The following PPP1R13L variants were observed in gnomAD, a reference collection of about 807,000 sequenced individuals.
The protein encoded by PPP1R13L is protein phosphatase 1 regulatory subunit 13 like, also known as relA-associated inhibitor.
Under a neutral mutation model 80.9 loss-of-function variants are expected in PPP1R13L, and 50 were observed. That is an observed-to-expected ratio of 0.62 (90% confidence interval 0.49 to 0.78). The LOEUF is 0.78. PPP1R13L is among the 30% of genes least tolerant of loss of function. The pLI is 0.00. For missense variants in PPP1R13L, 1,200 were observed against 1,205.9 expected, an observed-to-expected ratio of 1.00 and a Z score of 0.07; for synonymous variants, 602 against 534.3, an observed-to-expected ratio of 1.13 and a Z score of -1.75.
Position 45,396,479 on chromosome 19 carries a change from G to A in PPP1R13L, c.713-43C>T, listed in dbSNP as rs369341381. ...GGGAGGATGAGACGGGAGGGGTGGC[G>A]AGCCCCGGATCCTGCCCGCTTTGAC... On this transcript the variant is annotated intron_variant, in intron 4 of 12. Transcript: ENST00000360957. The surrounding 1 kb of genome is among the most constrained non-coding windows in gnomAD (Gnocchi z 5.3). 13 of 1,612,102 alleles carry A rather than the reference G, an allele frequency of 8.1e-6. No individual in the cohort carries two copies. The highest frequency in any genetic ancestry group is 6.7e-5 in the East Asian group (3 of 44,864).
At chr19:45,387,575 GAC>G (rs1422071707) in intron 8 of PPP1R13L, among the ~76,000 whole-genome samples, 2 of 152,112 alleles carry the variant, frequency 1.3e-5, no homozygotes, top group Admixed American at 1.3e-4. Flanking sequence ...GTTTTTTTGA[GAC>G]AGAGTCTCGC....
chr19:45,384,658 C>A (rs981059512), intron 11 of PPP1R13L, among the ~76,000 whole-genome samples: 1 of 152,028 alleles, frequency 6.6e-6, no homozygotes, highest in Non-Finnish European at 1.5e-5. Flanking sequence ...TCGGGACCAG[C>A]CTGGGCAACA....
At chr19:45,386,856 G>A (rs559264786) in intron 8 of PPP1R13L, among the ~76,000 whole-genome samples, 1 of 151,602 alleles carries the variant, frequency 6.6e-6, no homozygotes, top group South Asian at 2.1e-4. Context: ...GGCTGGTCTC[G>A]AACTCCTGAC....
At chr19:45,400,426 C>A (rs1158852155) in intron 1 of PPP1R13L, among the ~76,000 whole-genome samples, 1 of 151,768 alleles carries the variant, frequency 6.6e-6, no homozygotes, top group Non-Finnish European at 1.5e-5. Flanking sequence ...GCAGTATAGG[C>A]AGCAGGGCAG....
chr19:45,385,733 G>T lies in PPP1R13L; in HGVS notation c.2082-5C>A, dbSNP rs773935488. ...GCCGCGCAGTGCAAGGGTGTCCTAGGCGTGGGGGTGGGGGGTTGCGGGGAA... is the reference window on the plus strand; with the variant it reads ...GCCGCGCAGTGCAAGGGTGTCCTAGTCGTGGGGGTGGGGGGTTGCGGGGAA... On this transcript the variant is annotated splice_polypyrimidine_tract_variant and splice_region_variant and intron_variant, in intron 10 of 12. Transcript: ENST00000360957. 1.9e-5 allele frequency: 31 copies of T among 1,609,300 alleles called. No individual in the cohort carries two copies. The East Asian group carries it at 3.4e-4, about 17-fold the overall frequency.
intron 8 of PPP1R13L, 65 bp downstream of exon 8, chr19:45,391,815 G>A: frequency 1.6e-6 from 2 of 1,258,508 alleles, no homozygotes; most frequent in Non-Finnish European, 2.1e-6. Context: ...TATTTGGGGG[G>A]CTCTTTGCTA....
intron 8 of PPP1R13L, among the ~76,000 whole-genome samples, chr19:45,387,752 C>T (rs1001182768): frequency 3.9e-5 from 6 of 152,090 alleles, no homozygotes; most frequent in South Asian, 2.1e-4. Context: ...GGGGTTTCAC[C>T]GTGTTAGCCA....
At chr19:45,405,098 C>G (rs919557613), upstream of PPP1R13L, 20 of 979,040 alleles carry the variant, frequency 2.0e-5, no homozygotes, top group Non-Finnish European at 1.1e-5. Context: ...ACAGGTTAGA[C>G]GACGTGACTT....
In PPP1R13L at chr19:45,382,996, C is replaced by CTTTTTTTT. The variant is rs60366714; in HGVS notation, c.2249-278_2249-271dup. ...TCAGAGGCTCCCATTTCTTTTCTTT[C>CTTTTTTTT]TTTTTTTTTTTTTTTTGAGACAGAG... On this transcript the variant is annotated intron_variant, in intron 11 of 12. Coordinates refer to ENST00000360957, the MANE Select transcript of PPP1R13L (RefSeq NM_006663.4). Among the ~76,000 whole-genome samples, 49 of 126,264 alleles carry CTTTTTTTT rather than the reference C, an allele frequency of 3.9e-4. 1 individual carries two copies. Among genetic ancestry groups the CTTTTTTTT allele is most frequent in the African/African-American group, 1.1e-3 (34 of 31,848 alleles). The allele number at this position is 126,264 out of a possible 152,430, so 82.8% of individuals were successfully genotyped here.
At chr19:45,395,299 TG>T in intron 7 of PPP1R13L, 136 bp downstream of exon 7, 1 of 1,235,732 alleles carries the variant, frequency 8.1e-7, no homozygotes, top group Non-Finnish European at 1.1e-6. Flanking sequence ...CAAACTCACC[TG>T]GCCTAGCTCT....
chr19:45,386,111 C>G lies in PPP1R13L; in HGVS notation c.1885G>C (p.Val629Leu), dbSNP rs747143220. Residue 629 changes from valine (V) to leucine (L), a missense_variant, in exon 9 of 13, where the codon GTG becomes CTG. Transcript: ENST00000360957. ...KARRARLNPL[V>L]LLLDAALTGE... ...GTCAGCGCCGCGTCCAGGAGGAGCA[C>G]CAGAGGGTTGAGGCGCGCGCGGCGG... The G allele has an allele frequency of 6.4e-7, 1 of 1,571,430 alleles. No homozygotes were observed. Among genetic ancestry groups the G allele is most frequent in the Non-Finnish European group, 8.6e-7 (1 of 1,166,000 alleles).
At position 45,398,325 on chromosome 19, in the gene PPP1R13L, G is replaced by C; in HGVS notation, c.-7C>G. The C allele has an allele frequency of 6.2e-7, 1 of 1,613,320 alleles. No individual in the cohort carries two copies. The highest frequency in any genetic ancestry group is 8.5e-7 in the Non-Finnish European group (1 of 1,179,886). ...GGAATGCCTCGCTGTCCATGGTGCC[G>C]GCCGGAGCGGGCGCCTGCATGGTGG... On this transcript the variant is annotated 5_prime_UTR_variant, in exon 2 of 13. Transcript: ENST00000360957.
At position 45,396,666 on chromosome 19, in the gene PPP1R13L, G is replaced by A; in HGVS notation, c.591C>T (p.Phe197=). ...SPLAEGPQAF[F]PERGPSPRPP... is the part of the protein sequence containing the mutation. ...GGCGCGGTGACGGCCCACGCTCGGG[G>A]AAGAAGGCCTGGGGCCCCTCCGCCA... Residue 197 remains phenylalanine, a synonymous_variant, in exon 4 of 13, where the codon TTC becomes TTT. Coordinates refer to ENST00000360957, the MANE Select transcript of PPP1R13L (RefSeq NM_006663.4). This position sits in a 1 kb window ranked among gnomAD's most constrained non-coding sequence, Gnocchi z 5.3. 2 of 1,459,946 alleles carry A rather than the reference G, an allele frequency of 1.4e-6. No individual in the cohort carries two copies. The highest frequency in any genetic ancestry group is 1.4e-5 in the South Asian group (1 of 69,550). The allele number at this position is 1,459,946 out of a possible 1,614,324, so 90.4% of individuals were successfully genotyped here.
intron 3 of PPP1R13L, among the ~76,000 whole-genome samples, 186 bp downstream of exon 3, chr19:45,397,819 G>GC (rs1973143304): frequency 6.6e-6 from 1 of 151,986 alleles, no homozygotes; most frequent in Admixed American, 6.6e-5. Context: ...CTCTCACCTC[G>GC]CCTTCCAAAG....
intron 1 of PPP1R13L, among the ~76,000 whole-genome samples, chr19:45,404,396 T>A: frequency 6.6e-6 from 1 of 152,112 alleles, no homozygotes; most frequent in Admixed American, 6.5e-5. Flanking sequence ...TTGGGTTCGC[T>A]CAGCGGCACA....
Position 45,395,904 on chromosome 19 carries a change from G to C in PPP1R13L, c.904-18C>G. The C allele has an allele frequency of 6.4e-7, 1 of 1,560,020 alleles. No individual in the cohort carries two copies. Among genetic ancestry groups the C allele is most frequent in the Non-Finnish European group, 8.7e-7 (1 of 1,148,526 alleles). Reference sequence around the variant, plus strand: ...AGGTTGTCCTGGGGAAGAGGGAAGGGAGAAGGGGATCGGGTGAGAGAGGGA... The same window carrying C: ...AGGTTGTCCTGGGGAAGAGGGAAGGCAGAAGGGGATCGGGTGAGAGAGGGA... On this transcript the variant is annotated intron_variant, in intron 6 of 12. Transcript: ENST00000360957.
At chr19:45,386,279 C>T in intron 8 of PPP1R13L, 99 bp from the exon 9 acceptor site, 1 of 1,376,002 alleles carries the variant, frequency 7.3e-7, no homozygotes, top group Non-Finnish European at 9.4e-7. Flanking sequence ...TGGCACCCAT[C>T]TAGACAGGGG....
intron 9 of PPP1R13L, 22 bp from the exon 10 acceptor site, chr19:45,385,979 G>A (rs1317852508): frequency 6.2e-7 from 1 of 1,600,508 alleles, no homozygotes; most frequent in Non-Finnish European, 8.5e-7. Flanking sequence ...GGGGGAGGGG[G>A]AAGACTCAGT....
At chr19:45,389,300 G>A (rs915601302) in intron 8 of PPP1R13L, among the ~76,000 whole-genome samples, 1 of 152,020 alleles carries the variant, frequency 6.6e-6, no homozygotes, top group Non-Finnish European at 1.5e-5. Flanking sequence ...AGGCATTTTG[G>A]GGGGGTCCAC....
Sources: allele counts gnomAD v4.1 joint callset (sites outside exome capture counted in the v4.1 genomes callset), GRCh38; gene constraint gnomAD v4.1.1; non-coding constraint Gnocchi (gnomAD v3.1); transcripts MANE v1.5; gene names NCBI Gene and HGNC (gene_info 2026-07-23, HGNC 2026-07-21).